STOX2: variants seen among roughly 807,000 people sequenced by gnomAD.
STOX2 encodes storkhead-box protein 2.
A neutral mutation model predicts 60.9 loss-of-function variants in STOX2; 28 were observed. The observed-to-expected ratio is 0.46, with a 90% CI of 0.34 to 0.63. The LOEUF (loss-of-function observed/expected upper bound fraction) is 0.63, where lower values mean the gene tolerates loss of function less well. Ranked by LOEUF, STOX2 falls within the 30% of genes least tolerant of loss-of-function variation. The pLI, the probability that STOX2 is intolerant of heterozygous loss-of-function variation, is 0.01. For missense variants in STOX2, 1,024 were observed against 1,187.7 expected (o/e 0.86, Z 2.03); for synonymous variants, 472 against 463.9 (o/e 1.02, Z -0.22).
At chr4:183,920,679 G>A (rs1179117515) in intron 1 of STOX2, among the ~76,000 whole-genome samples, 1 of 152,182 alleles carries the variant, frequency 6.6e-6, no homozygotes, top group East Asian at 1.9e-4. Context: ...GGGCAGGCTG[G>A]GGGATTTGCT....
At chr4:183,807,967 A>T (rs1323000664) in intron 1 of STOX2, among the ~76,000 whole-genome samples, 2 of 152,224 alleles carry the variant, frequency 1.3e-5, no homozygotes, top group African/African-American at 4.8e-5. Context: ...GAGCTCTCCC[A>T]GCCAATTTCG....
chr4:183,972,711 G>A (rs756835578), intron 1 of STOX2, among the ~76,000 whole-genome samples: 8 of 152,126 alleles, frequency 5.3e-5, no homozygotes, highest in Middle Eastern at 6.8e-3. Flanking sequence ...TTAAAGACTC[G>A]GACTCTCATG....
chr4:183,906,632 G>A lies in STOX2; in HGVS notation c.-159G>A, dbSNP rs1323726222. The A allele has an allele frequency of 1.4e-5, 11 of 763,448 alleles. No individual in the cohort carries two copies. In the East Asian group the frequency reaches 1.7e-4, roughly 12 times the overall value. The allele number at this position is 763,448 out of a possible 1,614,324, so 47.3% of individuals were successfully genotyped here. Reference sequence around the variant, plus strand: ...GGGGGTGTGGGGGGGCGTGGGGAGGGCCGGACCCGCCGCTGGCGGTGTAGA... The same window carrying A: ...GGGGGTGTGGGGGGGCGTGGGGAGGACCGGACCCGCCGCTGGCGGTGTAGA... On this transcript the variant is annotated 5_prime_UTR_variant, in exon 1 of 4. Transcript: ENST00000308497.
intron 1 of STOX2, among the ~76,000 whole-genome samples, chr4:183,986,417 C>T (rs146006149): frequency 2.6e-5 from 4 of 152,252 alleles, no homozygotes; most frequent in South Asian, 2.1e-4. Flanking sequence ...GATGCCACGT[C>T]GTCAGAGGGA....
At chr4:183,826,476 C>T (rs529243249) in intron 1 of STOX2, among the ~76,000 whole-genome samples, 3 of 152,336 alleles carry the variant, frequency 2.0e-5, no homozygotes, top group South Asian at 2.1e-4. Flanking sequence ...GCCACTCTGA[C>T]CTCCCTGCTG....
intron 1 of STOX2, among the ~76,000 whole-genome samples, chr4:183,884,145 C>T (rs1275516930): frequency 3.3e-5 from 5 of 152,316 alleles, no homozygotes; most frequent in Admixed American, 2.0e-4. Context: ...CGAGCCACTG[C>T]GCCTGGCCCA....
intron 1 of STOX2, among the ~76,000 whole-genome samples, chr4:183,846,998 G>A (rs2111136726): frequency 6.6e-6 from 1 of 152,254 alleles, no homozygotes; most frequent in East Asian, 1.9e-4. Context: ...TGTCATGTAT[G>A]TCCATGGAAG....
upstream of STOX2, among the ~76,000 whole-genome samples, chr4:183,903,830 G>T (rs1014457016): frequency 5.9e-5 from 9 of 152,236 alleles, no homozygotes; most frequent in Non-Finnish European, 1.3e-4. Flanking sequence ...GAAGACAGTT[G>T]TTCCTTGGAC....
At chr4:183,993,097 T>C (rs928967682) in intron 1 of STOX2, among the ~76,000 whole-genome samples, 1 of 152,248 alleles carries the variant, frequency 6.6e-6, no homozygotes, top group African/African-American at 2.4e-5. Context: ...AGGTGGCTCT[T>C]GGCCAGGGCG....
In STOX2 at chr4:184,017,197, C is replaced by A. The variant is rs1333549561; in HGVS notation, c.2694C>A (p.Phe898Leu). ...AHGGAGPAFN[F>L]RASAEPPTNE... The stretch of plus-strand genomic sequence containing the variant: ...GTGGAGCTGGTCCAGCCTTCAACTT[C>A]CGAGCGAGCGCGGAGCCCCCGACAA... Residue 898 changes from phenylalanine to leucine, a missense_variant, in exon 4 of 4, where the codon TTC becomes TTA. Phe to Leu is a conservative substitution (Grantham distance 22). Around this residue, in one of 3 missense-constraint regions of STOX2, gnomAD observed 922 missense variants for 1,058.3 expected, o/e 0.87. Coordinates refer to ENST00000308497, the MANE Select transcript of STOX2 (RefSeq NM_020225.3). The A allele has an allele frequency of 6.2e-7, 1 of 1,613,088 alleles. No homozygotes were observed. The highest frequency in any genetic ancestry group is 1.1e-5 in the South Asian group (1 of 90,768).
intron 1 of STOX2, among the ~76,000 whole-genome samples, chr4:183,859,568 G>A (rs562507587): frequency 2.0e-5 from 3 of 152,222 alleles, no homozygotes; most frequent in Admixed American, 6.5e-5. Context: ...CAGAGGCGGC[G>A]GGGCCAGGGT....
At chr4:183,827,876 C>CAAAAAAAAAAAA (rs59675177) in intron 1 of STOX2, among the ~76,000 whole-genome samples, 1 of 99,232 alleles carries the variant, frequency 1.0e-5, no homozygotes. Context: ...AATCCTGCCT[C>CAAAAAAAAAAAA]AAAAAAAAAA....
intron 1 of STOX2, among the ~76,000 whole-genome samples, chr4:183,844,879 T>C (rs1739950760): frequency 6.6e-6 from 1 of 152,216 alleles, no homozygotes; most frequent in African/African-American, 2.4e-5. Context: ...ACCCCAAGGC[T>C]AAAATGTTAT....
At chr4:183,929,096 A>G (rs1742335891) in intron 1 of STOX2, among the ~76,000 whole-genome samples, 1 of 152,240 alleles carries the variant, frequency 6.6e-6, no homozygotes. Context: ...TTAAAGATAC[A>G]AGGCAGTAAC....
chr4:183,990,427 A>G (rs1186334446), intron 1 of STOX2, among the ~76,000 whole-genome samples: 3 of 152,170 alleles, frequency 2.0e-5, no homozygotes, highest in Non-Finnish European at 4.4e-5. Context: ...ACACATGTAT[A>G]TCTTATATTC....
chr4:183,872,821 A>G (rs1031637999), intron 1 of STOX2, among the ~76,000 whole-genome samples: 1 of 151,990 alleles, frequency 6.6e-6, no homozygotes, highest in Non-Finnish European at 1.5e-5. Context: ...TCACCCTGCA[A>G]TGTCCATGTA....
Position 183,825,762 on chromosome 4 carries a change from A to G in STOX2, c.364+27707A>G, listed in dbSNP as rs1023861591. On this transcript the variant is annotated intron_variant, in intron 1 of 2. Coordinates refer to the STOX2 transcript ENST00000513034. This position sits in a 1 kb window ranked among gnomAD's most constrained non-coding sequence, Gnocchi z 4.1. ...TGGCTGGGGCTGGACTTTGCCGGGG[A>G]GGGGTTCAGATTTAATGCTTCGAGC... Among the ~76,000 whole-genome samples the G allele has an allele frequency of 3.3e-5, 5 of 151,866 alleles. No individual in the cohort carries two copies. The highest frequency in any genetic ancestry group is 1.2e-4 in the African/African-American group (5 of 41,306).
At chr4:183,995,802 C>T (rs1450658727) in intron 1 of STOX2, among the ~76,000 whole-genome samples, 1 of 152,216 alleles carries the variant, frequency 6.6e-6, no homozygotes, top group Non-Finnish European at 1.5e-5. Flanking sequence ...ATCTCACCAC[C>T]AGCCTGCCCC....
intron 1 of STOX2, among the ~76,000 whole-genome samples, chr4:183,969,127 G>C (rs1370549048): frequency 6.6e-6 from 1 of 152,184 alleles, no homozygotes; most frequent in Non-Finnish European, 1.5e-5. Flanking sequence ...GAATGTGGTA[G>C]ACATGTGGGT....
Sources: gnomAD v4.1 joint callset for allele counts (sites outside exome capture counted in the v4.1 genomes callset) on GRCh38, gnomAD v4.1.1 for gene constraint, gnomAD v4.1.1 regional missense constraint, Gnocchi (gnomAD v3.1) non-coding constraint, MANE v1.5 for transcripts, NCBI Gene and HGNC (gene_info 2026-07-23, HGNC 2026-07-21) for gene names.